The following EYA4 variants were observed in gnomAD, a reference collection of about 807,000 sequenced individuals.
EYA4 encodes EYA transcriptional coactivator and phosphatase 4.
EYA4 carries 31 observed loss-of-function variants against 87.9 expected under a neutral mutation model. The ratio of observed to expected loss-of-function variants is 0.35; its 90% CI spans 0.27 to 0.48. The LOEUF is 0.48. Among genes scored for constraint, EYA4 ranks in the 20% least tolerant of loss-of-function variants. The pLI is 0.99. For synonymous variants in EYA4, 263 were observed against 270.6 expected, an observed-to-expected ratio of 0.97 and a Z score of 0.28; for missense variants, 678 against 761.4, an observed-to-expected ratio of 0.89 and a Z score of 1.29.
At chr6:133,498,084 T>C (rs1464125322) in intron 13 of EYA4, among the ~76,000 whole-genome samples, 1 of 152,260 alleles carries the variant, frequency 6.6e-6, no homozygotes, top group Non-Finnish European at 1.5e-5. Context: ...GGCTGGATTT[T>C]AAATGATAGG....
intron 2 of EYA4, among the ~76,000 whole-genome samples, chr6:133,285,894 G>A (rs1055644435): frequency 6.6e-6 from 1 of 152,178 alleles, no homozygotes; most frequent in African/African-American, 2.4e-5. Flanking sequence ...GGATGACTGG[G>A]GAAGAACAGG....
intron 3 of EYA4, among the ~76,000 whole-genome samples, chr6:133,420,760 C>G (rs1431966143): frequency 6.6e-6 from 1 of 152,188 alleles, no homozygotes; most frequent in Non-Finnish European, 1.5e-5. Context: ...AATGCTAACT[C>G]CATGGCATAA....
chr6:133,398,116 A>G (rs962243086), intron 3 of EYA4, among the ~76,000 whole-genome samples: 1 of 152,216 alleles, frequency 6.6e-6, no homozygotes, highest in African/African-American at 2.4e-5. Context: ...TGGAAAAAAG[A>G]AAAGGGGGGG....
chr6:133,396,145 T>C (rs998786962), intron 3 of EYA4, among the ~76,000 whole-genome samples: 1 of 152,158 alleles, frequency 6.6e-6, no homozygotes, highest in Non-Finnish European at 1.5e-5. Context: ...GGGAAATAAT[T>C]GTTCCATTTT....
intron 2 of EYA4, among the ~76,000 whole-genome samples, chr6:133,283,782 G>A (rs974889299): frequency 6.6e-6 from 1 of 152,134 alleles, no homozygotes; most frequent in Admixed American, 6.5e-5. Flanking sequence ...TTTGAATAGT[G>A]TATATTGTAA....
chr6:133,468,357 G>T (rs955739135), intron 10 of EYA4, among the ~76,000 whole-genome samples: 1 of 151,986 alleles, frequency 6.6e-6, no homozygotes, highest in African/African-American at 2.4e-5. Context: ...GACCTGGTTT[G>T]CCAAAACAAT....
At chr6:133,497,811 A>T (rs1583464415) in intron 13 of EYA4, among the ~76,000 whole-genome samples, 1 of 152,144 alleles carries the variant, frequency 6.6e-6, no homozygotes, top group Admixed American at 6.6e-5. Context: ...ATGATACTCT[A>T]AAGTTATTCC....
At chr6:133,271,035 G>A (rs548257216) in intron 1 of EYA4, among the ~76,000 whole-genome samples, 1 of 152,202 alleles carries the variant, frequency 6.6e-6, no homozygotes, top group Non-Finnish European at 1.5e-5. Context: ...AGGTAATGTC[G>A]TGGGAACATT....
intron 1 of EYA4, among the ~76,000 whole-genome samples, chr6:133,244,493 C>G (rs202170743): frequency 1.3e-5 from 2 of 151,670 alleles, no homozygotes; most frequent in Non-Finnish European, 2.9e-5. Flanking sequence ...AAAATAGATG[C>G]TGAATTTCAG....
At chr6:133,520,889 G>C (rs1800059297) in intron 17 of EYA4, among the ~76,000 whole-genome samples, 1 of 149,986 alleles carries the variant, frequency 6.7e-6, no homozygotes, top group South Asian at 2.1e-4. Flanking sequence ...AATAAATGGT[G>C]CTGGGACAAC....
intron 2 of EYA4, among the ~76,000 whole-genome samples, chr6:133,319,818 C>A (rs1210845548): frequency 6.6e-6 from 1 of 151,504 alleles, no homozygotes; most frequent in African/African-American, 2.4e-5. Context: ...CCAGCTCAAG[C>A]GATCCTCCCA....
chr6:133,494,821 A>C (rs1332807142), intron 13 of EYA4, among the ~76,000 whole-genome samples: 1 of 151,780 alleles, frequency 6.6e-6, no homozygotes, highest in East Asian at 1.9e-4. Flanking sequence ...ACTGCATTCC[A>C]GCCCAGATGT....
intron 1 of EYA4, chr6:133,248,626 C>T (rs1774617374): frequency 6.6e-6 from 1 of 152,164 alleles, no homozygotes; most frequent in Admixed American, 6.5e-5. Flanking sequence ...GTGATGATGA[C>T]TTGGGGGAAT....
chr6:133,491,319 AT>A (rs1223394307), intron 13 of EYA4, among the ~76,000 whole-genome samples: 2 of 152,160 alleles, frequency 1.3e-5, no homozygotes, highest in East Asian at 3.8e-4. Flanking sequence ...CAGAGAAGAA[AT>A]AAATGAACTT....
chr6:133,430,665 G>A (rs1396509501), intron 3 of EYA4, among the ~76,000 whole-genome samples: 2 of 152,136 alleles, frequency 1.3e-5, no homozygotes, highest in African/African-American at 4.8e-5. Context: ...AAAAAAACTA[G>A]TAATATTGAG....
chr6:133,283,529 G>A (rs9483568), intron 2 of EYA4, among the ~76,000 whole-genome samples: 38,053 of 151,912 alleles, frequency 0.25, 5,664 homozygotes, highest in East Asian at 0.49. Context: ...TCTCATAACG[G>A]CCCTTTGTGG....
chr6:133,348,357 T>C (rs1783370998), intron 2 of EYA4, among the ~76,000 whole-genome samples: 2 of 129,456 alleles, frequency 1.5e-5, no homozygotes, highest in Admixed American at 9.7e-5. Context: ...CACTGCAACC[T>C]CCACCTCCCG....
At chr6:133,494,611 G>A (rs575493232) in intron 13 of EYA4, among the ~76,000 whole-genome samples, 1 of 149,844 alleles carries the variant, frequency 6.7e-6, no homozygotes, top group South Asian at 2.1e-4. Context: ...GGTGACGCAG[G>A]AGAATCACTT....
intron 2 of EYA4, among the ~76,000 whole-genome samples, chr6:133,276,162 A>G (rs1002925760): frequency 6.6e-6 from 1 of 152,226 alleles, no homozygotes. Context: ...ATGCTTCATT[A>G]AAAGAGTGCT....
Sources: allele counts gnomAD v4.1 joint callset (sites outside exome capture counted in the v4.1 genomes callset), GRCh38; gene constraint gnomAD v4.1.1; transcripts MANE v1.5; gene names NCBI Gene and HGNC (gene_info 2026-07-23, HGNC 2026-07-21).